ARPC4: variants seen among roughly 807,000 people sequenced by gnomAD.
ARPC4 encodes the protein actin-related protein 2/3 complex subunit 4.
Under a neutral mutation model 22.8 loss-of-function variants are expected in ARPC4, and 3 were observed. The ratio of observed to expected loss-of-function variants is 0.13; its 90% CI spans 0.06 to 0.34. The LOEUF (loss-of-function observed/expected upper bound fraction) is 0.34, where lower values mean the gene tolerates loss of function less well. Among genes scored for constraint, ARPC4 ranks in the 10% least tolerant of loss-of-function variants. The pLI, the probability that ARPC4 is intolerant of heterozygous loss-of-function variation, is 1.00. For missense variants in ARPC4, 98 were observed against 211.0 expected (o/e 0.46, Z 3.32); for synonymous variants, 80 against 72.5 (o/e 1.10, Z -0.52).
In ARPC4 at chr3:9,804,024, G is replaced by A. The variant is rs1559730163; in HGVS notation, c.501+11G>A. ...GAGTTCCTTAAGAATGTGAGTAGGGGCCTTTAGCTTTCCTTCCAGAGGCCA... is the reference window on the plus strand; with the variant it reads ...GAGTTCCTTAAGAATGTGAGTAGGGACCTTTAGCTTTCCTTCCAGAGGCCA... On this transcript the variant is annotated intron_variant, in intron 5 of 5. Transcript: ENST00000397261. The A allele has an allele frequency of 1.9e-6, 3 of 1,612,630 alleles. No individual in the cohort carries two copies. The highest frequency in any genetic ancestry group is 3.3e-5 in the Admixed American group (2 of 59,960).
In ARPC4 at chr3:9,797,361, T is replaced by A. The variant is rs113750753; in HGVS notation, c.4-298T>A. Among the ~76,000 whole-genome samples, 348 of 152,282 alleles carry A rather than the reference T, an allele frequency of 2.3e-3. 2 individuals carry two copies. Among genetic ancestry groups the A allele is most frequent in the Non-Finnish European group, 3.6e-3 (248 of 68,030 alleles). On this transcript the variant is annotated intron_variant, in intron 1 of 5. Transcript: ENST00000397261. ...GCCTGCAGTTCCCCTTCTTGCCAAG[T>A]CATGACAATTGAAAATGTCTCAGCA...
chr3:9,797,836 T>G (rs2078927631), intron 2 of ARPC4, 59 bp downstream of exon 2: 2 of 1,531,330 alleles, frequency 1.3e-6, no homozygotes, highest in African/African-American at 2.7e-5. Flanking sequence ...ATGGCTGCTG[T>G]CTAGAAGGTG....
At chr3:9,797,112 G>T (rs1368255332) in intron 1 of ARPC4, among the ~76,000 whole-genome samples, 1 of 152,030 alleles carries the variant, frequency 6.6e-6, no homozygotes, top group Non-Finnish European at 1.5e-5. Flanking sequence ...CAGTTGAGCT[G>T]TTTGAGGGTA....
At chr3:9,797,491 C>T (rs934599819) in intron 1 of ARPC4, among the ~76,000 whole-genome samples, 168 bp from the exon 2 acceptor site, 1 of 152,240 alleles carries the variant, frequency 6.6e-6, no homozygotes, top group African/African-American at 2.4e-5. Flanking sequence ...AACTACCACT[C>T]TACACCTTGG....
chr3:9,800,336 T>G (rs1220558629), intron 3 of ARPC4, 40 bp downstream of exon 3: 2 of 1,590,402 alleles, frequency 1.3e-6, no homozygotes, highest in Non-Finnish European at 8.6e-7. Context: ...AAGGCCTCTT[T>G]CAGTCCTTTC....
At chr3:9,792,760 C>T (rs1373518019), upstream of ARPC4, 5 of 1,245,630 alleles carry the variant, frequency 4.0e-6, no homozygotes, top group Non-Finnish European at 5.0e-6. Context: ...ACGAAGGGCT[C>T]GTCCGCTTCG....
intron 1 of ARPC4, among the ~76,000 whole-genome samples, chr3:9,795,861 C>T (rs752132908): frequency 3.3e-5 from 5 of 152,120 alleles, no homozygotes; most frequent in Non-Finnish European, 7.4e-5. Flanking sequence ...TTTAGGAGGC[C>T]GAGATGGGCG....
In ARPC4 at chr3:9,806,504, T is replaced by G; in HGVS notation, c.*289T>G. 1 of 493,920 alleles carries G rather than the reference T, an allele frequency of 2.0e-6. No homozygotes were observed. Among genetic ancestry groups the G allele is most frequent in the Non-Finnish European group, 3.6e-6 (1 of 278,698 alleles). The allele number at this position is 493,920 out of a possible 1,614,324, so 30.6% of individuals were successfully genotyped here. A position where few individuals can be genotyped will look rare whatever the true frequency, so the allele number is the denominator to read the frequency against. On this transcript the variant is annotated 3_prime_UTR_variant, in exon 6 of 6. Coordinates refer to ENST00000397261, the MANE Select transcript of ARPC4 (RefSeq NM_005718.5). ...TAAACTCTGTGCTTGTAGGATACTG[T>G]AACCTTTTTGTCTTTTTTTTTTTTT...
chr3:9,804,680 G>A (rs2079073893), intron 5 of ARPC4, among the ~76,000 whole-genome samples: 1 of 152,138 alleles, frequency 6.6e-6, no homozygotes, highest in African/African-American at 2.4e-5. Context: ...ACCCAGAGTG[G>A]CTGTGATCTC....
upstream of ARPC4, chr3:9,792,760 C>A: frequency 8.0e-7 from 1 of 1,245,748 alleles, no homozygotes; most frequent in Non-Finnish European, 1.0e-6. Context: ...ACGAAGGGCT[C>A]GTCCGCTTCG....
chr3:9,798,795 A>T (rs1236332058), intron 2 of ARPC4, among the ~76,000 whole-genome samples: 1 of 151,674 alleles, frequency 6.6e-6, no homozygotes, highest in Admixed American at 6.6e-5. Context: ...AATTGCTTGA[A>T]CCTGGGAGGC....
chr3:9,799,213 A>G (rs1687123356), intron 2 of ARPC4, among the ~76,000 whole-genome samples: 1 of 152,190 alleles, frequency 6.6e-6, no homozygotes, highest in Non-Finnish European at 1.5e-5. Flanking sequence ...ACTGTGTTCA[A>G]TTTTAGCCTT....
Position 9,802,378 on chromosome 3 carries a change from C to CTT in ARPC4, c.330+632_330+633dup, listed in dbSNP as rs55659302. Among the ~76,000 whole-genome samples, 80 of 146,570 alleles carry CTT rather than the reference C, an allele frequency of 5.5e-4. 1 individual carries two copies. The highest frequency in any genetic ancestry group is 1.8e-3 in the East Asian group (9 of 4,950). On this transcript the variant is annotated intron_variant, in intron 4 of 5. Coordinates refer to ENST00000397261, the MANE Select transcript of ARPC4 (RefSeq NM_005718.5). ...GCCAAATGAATCATAGTCTCTCTCT[C>CTT]TTTTTTTTTTTCTTTGAGACGGAGT...
At position 9,806,286 on chromosome 3, in the gene ARPC4, C is replaced by T. The variant is rs2079105955; in HGVS notation, c.*71C>T. ...TCTCCACGAAGGCGTCCTGGAGTCACTCCCCGAGCAGCGCGGCGGCGGCAG... is the reference window on the plus strand; with the variant it reads ...TCTCCACGAAGGCGTCCTGGAGTCATTCCCCGAGCAGCGCGGCGGCGGCAG... On this transcript the variant is annotated 3_prime_UTR_variant, in exon 6 of 6. Coordinates refer to ENST00000397261, the MANE Select transcript of ARPC4 (RefSeq NM_005718.5). The T allele has an allele frequency of 5.1e-6, 8 of 1,557,626 alleles. No homozygotes were observed. The Admixed American group carries it at 6.7e-5, about 13-fold the overall frequency.
chr3:9,799,629 A>G (rs377242795), intron 2 of ARPC4, among the ~76,000 whole-genome samples: 13 of 152,084 alleles, frequency 8.5e-5, no homozygotes, highest in East Asian at 3.9e-4. Flanking sequence ...TTTTAGTACA[A>G]ATGGGATATC....
intron 1 of ARPC4, among the ~76,000 whole-genome samples, chr3:9,797,447 T>C (rs984520826): frequency 6.6e-5 from 10 of 152,188 alleles, no homozygotes; most frequent in African/African-American, 1.9e-4. Context: ...CATTACCAAA[T>C]GTACCCTGGC....
At chr3:9,803,554 T>G (rs986651262) in intron 4 of ARPC4, 3 of 564,308 alleles carry the variant, frequency 5.3e-6, no homozygotes, top group Non-Finnish European at 1.0e-5. Flanking sequence ...GTAACAAGAC[T>G]TCAAGTTCCT....
upstream of ARPC4, chr3:9,792,586 G>C: frequency 8.1e-7 from 1 of 1,230,046 alleles, no homozygotes; most frequent in Non-Finnish European, 1.0e-6. Flanking sequence ...AGCCGCTAGA[G>C]GTGGGGTGCG....
intron 2 of ARPC4, 74 bp from the exon 3 acceptor site, chr3:9,800,111 C>T (rs1316278958): frequency 4.0e-6 from 6 of 1,482,928 alleles, no homozygotes; most frequent in Non-Finnish European, 3.7e-6. Context: ...ATAGTGATTC[C>T]AGGACCTGCG....
Sources: gnomAD v4.1 joint callset for allele counts (sites outside exome capture counted in the v4.1 genomes callset) on GRCh38, gnomAD v4.1.1 for gene constraint, MANE v1.5 for transcripts, NCBI Gene and HGNC (gene_info 2026-07-23, HGNC 2026-07-21) for gene names.